The following SYNPO2 variants were observed in gnomAD, a reference collection of about 807,000 sequenced individuals.
The protein encoded by SYNPO2 is synaptopodin-2.
A neutral mutation model predicts 85.0 loss-of-function variants in SYNPO2; 56 were observed. The observed-to-expected ratio is 0.66, with a 90% CI of 0.53 to 0.82. SYNPO2 has a LOEUF of 0.82. Among genes scored for constraint, SYNPO2 ranks in the 40% least tolerant of loss-of-function variants. The pLI is 0.00. For synonymous variants in SYNPO2, 602 were observed against 591.1 expected (o/e 1.02, Z -0.27); for missense variants, 1,575 against 1,534.2 (o/e 1.03, Z -0.44).
intron 1 of SYNPO2, among the ~76,000 whole-genome samples, chr4:118,870,966 T>C (rs1731788705): frequency 6.6e-6 from 1 of 152,168 alleles, no homozygotes; most frequent in Non-Finnish European, 1.5e-5. Context: ...AAGAGGAGAA[T>C]ATCAAGGTTC....
chr4:119,042,273 G>A (rs1011107246), intron 4 of SYNPO2: 2 of 151,562 alleles, frequency 1.3e-5, no homozygotes, highest in African/African-American at 2.4e-5. Flanking sequence ...CTTGAGACGT[G>A]ATTTTTATCT....
At chr4:119,037,826 AT>A in intron 4 of SYNPO2, 1 of 209,276 alleles carries the variant, frequency 4.8e-6, no homozygotes, top group Non-Finnish European at 8.3e-6. Context: ...CATTATCCCC[AT>A]TTTATAGATT....
chr4:119,053,189 C>T (rs1249795669), intron 4 of SYNPO2, among the ~76,000 whole-genome samples: 1 of 152,152 alleles, frequency 6.6e-6, no homozygotes, highest in Non-Finnish European at 1.5e-5. Context: ...AGCCTTGAAA[C>T]TGTGATGGAC....
chr4:118,967,119 C>T (rs971767022), intron 1 of SYNPO2, among the ~76,000 whole-genome samples: 7 of 152,052 alleles, frequency 4.6e-5, no homozygotes, highest in African/African-American at 1.7e-4. Flanking sequence ...CTATTATTCC[C>T]TTCTAATATT....
intron 1 of SYNPO2, among the ~76,000 whole-genome samples, chr4:118,964,963 T>C (rs556413771): frequency 4.3e-4 from 65 of 152,322 alleles, no homozygotes; most frequent in African/African-American, 1.5e-3. Context: ...TTCCATTTCA[T>C]GTCCTTTCGA....
At chr4:118,965,453 C>G (rs941239170) in intron 1 of SYNPO2, among the ~76,000 whole-genome samples, 31 of 152,252 alleles carry the variant, frequency 2.0e-4, no homozygotes, top group African/African-American at 5.5e-4. Context: ...GTCTGTTGTA[C>G]AGAGTAATTC....
intron 1 of SYNPO2, among the ~76,000 whole-genome samples, chr4:119,016,452 C>G (rs1416659911): frequency 6.6e-6 from 1 of 151,274 alleles, no homozygotes; most frequent in Non-Finnish European, 1.5e-5. Context: ...ATTTAGGAAA[C>G]CCAAATAGTT....
chr4:118,951,919 C>T (rs1734714228), intron 1 of SYNPO2, among the ~76,000 whole-genome samples: 1 of 152,178 alleles, frequency 6.6e-6, no homozygotes, highest in Admixed American at 6.6e-5. Context: ...TTAAACTTCT[C>T]CTTCCAGTCT....
At chr4:118,969,390 A>G (rs1305782602) in intron 1 of SYNPO2, among the ~76,000 whole-genome samples, 1 of 139,428 alleles carries the variant, frequency 7.2e-6, no homozygotes, top group East Asian at 2.2e-4. Context: ...GTTCGTTTAA[A>G]ATGGAAAATG....
rs971473707 is a variant in SYNPO2 at position 119,060,197 on chromosome 4, C to T, written c.*2263C>T. 6.6e-6 allele frequency: 1 copy of T among 152,136 alleles called. No homozygotes were observed. Among genetic ancestry groups the T allele is most frequent in the Non-Finnish European group, 1.5e-5 (1 of 68,004 alleles). The allele number at this position is 152,136 out of a possible 1,614,324, so 9.4% of individuals were successfully genotyped here. Reference sequence around the variant, plus strand: ...CTCAAAATAGAGAGGAGACTTTAAACTTACATGTTAGCATAAAACAGACTT... The same window carrying T: ...CTCAAAATAGAGAGGAGACTTTAAATTTACATGTTAGCATAAAACAGACTT... On this transcript the variant is annotated 3_prime_UTR_variant, in exon 5 of 5. Transcript: ENST00000307142.
intron 1 of SYNPO2, among the ~76,000 whole-genome samples, chr4:118,961,219 C>T (rs1005106087): frequency 1.1e-4 from 16 of 151,304 alleles, no homozygotes; most frequent in African/African-American, 3.9e-4. Context: ...TGCTGAACAT[C>T]TTATACTGCA....
At chr4:118,885,536 G>A (rs1004170609), upstream of SYNPO2, among the ~76,000 whole-genome samples, 2 of 150,348 alleles carry the variant, frequency 1.3e-5, no homozygotes, top group South Asian at 2.1e-4. Flanking sequence ...GCAGTGGTAC[G>A]GTCTCGGCTC....
intron 1 of SYNPO2, among the ~76,000 whole-genome samples, chr4:119,010,627 A>T (rs923253711): frequency 1.3e-5 from 2 of 152,220 alleles, no homozygotes; most frequent in African/African-American, 4.8e-5. Flanking sequence ...GCTATGTGCT[A>T]TGTGCTATGC....
intron 1 of SYNPO2, among the ~76,000 whole-genome samples, chr4:119,012,393 T>TTTTTTTTTTTTTA (rs1553946399): frequency 7.6e-5 from 10 of 130,822 alleles, no homozygotes; most frequent in East Asian, 2.1e-4. Context: ...TTTTTTTTTT[T>TTTTTTTTTTTTTA]ATTTTACTTT....
intron 1 of SYNPO2, among the ~76,000 whole-genome samples, chr4:118,980,504 TC>T (rs992040506): frequency 7.5e-4 from 112 of 149,930 alleles, no homozygotes; most frequent in African/African-American, 2.6e-3. Flanking sequence ...TTCTTTCTTT[TC>T]CCCCCTTCCC....
intron 1 of SYNPO2, among the ~76,000 whole-genome samples, chr4:118,977,643 C>G (rs1023382638): frequency 2.0e-5 from 3 of 152,218 alleles, no homozygotes; most frequent in Non-Finnish European, 2.9e-5. Flanking sequence ...TGGGTGGGAT[C>G]CAGCCATTCT....
At chr4:118,955,744 TCA>T (rs1491055839) in intron 1 of SYNPO2, among the ~76,000 whole-genome samples, 3 of 121,346 alleles carry the variant, frequency 2.5e-5, no homozygotes, top group Non-Finnish European at 5.5e-5. Context: ...GATGTGACTC[TCA>T]TGTGAAGAAT....
At chr4:119,025,981 C>T (rs1345793853) in intron 2 of SYNPO2, among the ~76,000 whole-genome samples, 1 of 152,058 alleles carries the variant, frequency 6.6e-6, no homozygotes, top group Non-Finnish European at 1.5e-5. Context: ...GAAACAGATC[C>T]AAATAGAAGA....
At chr4:119,001,650 T>C (rs528889446) in intron 1 of SYNPO2, among the ~76,000 whole-genome samples, 1 of 152,338 alleles carries the variant, frequency 6.6e-6, no homozygotes, top group East Asian at 1.9e-4. Flanking sequence ...TCTTATTCTT[T>C]ATCAAAGTTA....
Sources: allele counts gnomAD v4.1 joint callset (sites outside exome capture counted in the v4.1 genomes callset), GRCh38; gene constraint gnomAD v4.1.1; transcripts MANE v1.5; gene names NCBI Gene and HGNC (gene_info 2026-07-23, HGNC 2026-07-21).